PHYKPL: variants seen among roughly 807,000 people sequenced by gnomAD.
PHYKPL encodes 5-phosphohydroxy-L-lysine phospho-lyase, also known as 5-phosphonooxy-L-lysine phospho-lyase.
Under a neutral mutation model 51.3 loss-of-function variants are expected in PHYKPL, and 42 were observed. That is an observed-to-expected ratio of 0.82 (90% CI 0.64 to 1.06). The LOEUF is 1.06. PHYKPL is among the 50% of genes least tolerant of loss of function. The pLI is 0.00. For synonymous variants in PHYKPL, 264 were observed against 236.0 expected, an observed-to-expected ratio of 1.12 and a Z score of -1.09; for missense variants, 655 against 586.6, an observed-to-expected ratio of 1.12 and a Z score of -1.20.
At chr5:178,225,324 TG>T in intron 4 of PHYKPL, 30 bp downstream of exon 4, 2 of 1,613,528 alleles carry the variant, frequency 1.2e-6, no homozygotes, top group Non-Finnish European at 1.7e-6. Flanking sequence ...GCCAGGCTTC[TG>T]GGAACGGTAG....
chr5:178,231,932 C>T (rs1036282388), intron 1 of PHYKPL: 7 of 1,273,050 alleles, frequency 5.5e-6, no homozygotes, highest in Non-Finnish European at 7.2e-6. Context: ...CAGCTCCTTG[C>T]CAGCCACGTG....
chr5:178,207,177 C>G (rs777397806), downstream of PHYKPL: 64 of 1,613,938 alleles, frequency 4.0e-5, no homozygotes, highest in Non-Finnish European at 5.3e-5. Context: ...AAGAAGAACC[C>G]GTGAAGAAGG....
chr5:178,222,273 G>A, intron 8 of PHYKPL, 82 bp downstream of exon 8: 2 of 1,261,804 alleles, frequency 1.6e-6, no homozygotes, highest in South Asian at 1.4e-5. Flanking sequence ...TAGCCCTGTA[G>A]CCTTTGCTGA....
chr5:178,223,226 A>G, intron 6 of PHYKPL: 1 of 418,022 alleles, frequency 2.4e-6, no homozygotes, highest in East Asian at 5.6e-5. Flanking sequence ...TTTTTGATCC[A>G]CGCCTCCTCC....
intron 1 of PHYKPL, chr5:178,232,201 G>A (rs1763610518): frequency 1.6e-6 from 2 of 1,250,288 alleles, no homozygotes; most frequent in South Asian, 2.3e-5. Context: ...GCCAAGCGAG[G>A]CTGACACAGC....
In PHYKPL at chr5:178,229,669, C is replaced by T. The variant is rs1383994573; in HGVS notation, c.338+271G>A. ...CACAGGCAGGGATTTTGGCTGTATCCTTAAGGCAGAAATAAAGGAACATAT... is the reference window on the plus strand; with the variant it reads ...CACAGGCAGGGATTTTGGCTGTATCTTTAAGGCAGAAATAAAGGAACATAT... On this transcript the variant is annotated intron_variant, in intron 3 of 12. Coordinates refer to ENST00000308158, the MANE Select transcript of PHYKPL (RefSeq NM_153373.4). 2.9e-5 allele frequency: 10 copies of T among 347,734 alleles called. No homozygotes were observed. In the South Asian group the frequency reaches 4.6e-4, roughly 16 times the overall value. The allele number at this position is 347,734 out of a possible 1,614,324, so 21.5% of individuals were successfully genotyped here. A position where few individuals can be genotyped will look rare whatever the true frequency, so the allele number is the denominator to read the frequency against.
At chr5:178,221,000 A>G (rs1012420163) in intron 8 of PHYKPL, among the ~76,000 whole-genome samples, 6 of 152,178 alleles carry the variant, frequency 3.9e-5, no homozygotes, top group African/African-American at 1.4e-4. Flanking sequence ...TGATGGGTGG[A>G]GAAGGCAACA....
intron 1 of PHYKPL, 104 bp downstream of exon 1, chr5:178,232,388 C>T: frequency 7.6e-7 from 1 of 1,321,034 alleles, no homozygotes; most frequent in Non-Finnish European, 9.6e-7. Context: ...GCAGCGGCTT[C>T]CTAGCCGGAG....
intron 3 of PHYKPL, chr5:178,225,728 C>A: frequency 2.4e-6 from 1 of 413,308 alleles, no homozygotes; most frequent in Non-Finnish European, 4.5e-6. Context: ...CACACTACAA[C>A]AATCAACACA....
intron 2 of PHYKPL, 55 bp downstream of exon 2, chr5:178,231,350 G>C (rs1275875132): frequency 6.2e-7 from 1 of 1,612,810 alleles, no homozygotes; most frequent in African/African-American, 1.3e-5. Context: ...CTTGGGACCA[G>C]GTTCACAGCA....
intron 12 of PHYKPL, 77 bp from the exon 13 acceptor site, chr5:178,208,992 C>T: frequency 3.9e-6 from 1 of 255,612 alleles, no homozygotes; most frequent in South Asian, 5.7e-5. Flanking sequence ...CCCTCTAGCC[C>T]AGCAGGACCA....
chr5:178,229,392 G>A (rs752430468), intron 3 of PHYKPL, among the ~76,000 whole-genome samples: 39 of 152,186 alleles, frequency 2.6e-4, no homozygotes, highest in Non-Finnish European at 4.6e-4. Context: ...ACAGGCATGA[G>A]CCATCGTGCC....
At chr5:178,216,937 CAGG>C (rs1253366101) in intron 8 of PHYKPL, 1 of 152,230 alleles carries the variant, frequency 6.6e-6, no homozygotes, top group African/African-American at 2.4e-5. Context: ...CGGGGTGAGG[CAGG>C]AGGATCACTT....
chr5:178,216,034 T>C (rs749779132), intron 8 of PHYKPL: 7 of 152,236 alleles, frequency 4.6e-5, no homozygotes, highest in Non-Finnish European at 7.3e-5. Context: ...ATAATTTATA[T>C]ATAAACTGTG....
Position 178,211,956 on chromosome 5 carries a change from C to T in PHYKPL, c.1318G>A (p.Val440Met), listed in dbSNP as rs148354924. The T allele has an allele frequency of 1.9e-6, 3 of 1,614,076 alleles. No homozygotes were observed. The highest frequency in any genetic ancestry group is 3.3e-5 in the Admixed American group (2 of 60,012). The change falls in exon 12 of 13, where the codon GTG becomes ATG. Residue 440 changes from valine (V) to methionine (M), a missense_variant. By Grantham distance (21) the Val-to-Met change is conservative. Transcript: ENST00000308158. Reference sequence around the variant, plus strand: ...AGCCTCAGCGTTTCACAACTTCTCACCTTCTCTTCCATGTCTGAAAAAGAC... The same window carrying T: ...AGCCTCAGCGTTTCACAACTTCTCATCTTCTCTTCCATGTCTGAAAAAGAC... ...DAILTDMEEK[V>M]RSCETLRLQP
At chr5:178,217,506 A>G (rs61407689) in intron 8 of PHYKPL, among the ~76,000 whole-genome samples, 28,871 of 151,026 alleles carry the variant, frequency 0.19, 2,997 homozygotes, top group Non-Finnish European at 0.21. Context: ...TACAGGCGTG[A>G]GCCACTGCAC....
chr5:178,215,264 C>A lies in PHYKPL; in HGVS notation c.1082+12G>T. On this transcript the variant is annotated intron_variant, in intron 9 of 12. Coordinates refer to ENST00000308158, the MANE Select transcript of PHYKPL (RefSeq NM_153373.4). ...GGCAGGTGGGTGGTGACTGCTGCCC[C>A]CAGAGCCTCACCTGACATCCCCGAC... 1 of 1,613,934 alleles carries A rather than the reference C, an allele frequency of 6.2e-7. No homozygotes were observed. Among genetic ancestry groups the A allele is most frequent in the Admixed American group, 1.7e-5 (1 of 60,002 alleles).
chr5:178,224,761 C>T (rs1453067237), intron 4 of PHYKPL, 32 bp from the exon 5 acceptor site: 1 of 1,550,012 alleles, frequency 6.5e-7, no homozygotes, highest in African/African-American at 1.4e-5. Flanking sequence ...AGGCTCGGGT[C>T]CGGGCAGCAC....
At chr5:178,210,085 C>T (rs778334843) in intron 12 of PHYKPL, 59 of 1,604,500 alleles carry the variant, frequency 3.7e-5, no homozygotes, top group Middle Eastern at 1.7e-4. Context: ...CTAGCTCCTG[C>T]GTATGCTAAA....
Sources: allele counts gnomAD v4.1 joint callset (sites outside exome capture counted in the v4.1 genomes callset), GRCh38; gene constraint gnomAD v4.1.1; transcripts MANE v1.5; gene names NCBI Gene and HGNC (gene_info 2026-07-23, HGNC 2026-07-21).